KIF11: variants seen among roughly 807,000 people sequenced by gnomAD.
The protein encoded by KIF11 is kinesin family member 11.
KIF11 carries 9 observed loss-of-function variants against 121.0 expected under a neutral mutation model. That is an observed-to-expected ratio of 0.07 (90% CI 0.04 to 0.13). KIF11 has a LOEUF of 0.13. Ranked by LOEUF, KIF11 falls within the 10% of genes least tolerant of loss-of-function variation. The pLI is 1.00. For synonymous variants in KIF11, 408 were observed against 421.0 expected (o/e 0.97, Z 0.38); for missense variants, 846 against 1,217.5 (o/e 0.69, Z 4.54).
chr10:92,619,014 A>G (rs1589596600), intron 9 of KIF11, among the ~76,000 whole-genome samples: 1 of 151,630 alleles, frequency 6.6e-6, no homozygotes, highest in South Asian at 2.1e-4. Flanking sequence ...TGCCTTATTT[A>G]TTTATTTATT....
intron 6 of KIF11, among the ~76,000 whole-genome samples, chr10:92,609,794 T>A (rs1844474701): frequency 6.6e-6 from 1 of 152,174 alleles, no homozygotes; most frequent in Admixed American, 6.5e-5. Flanking sequence ...TGGAGTGCAG[T>A]GGCGCGATCT....
chr10:92,633,531 G>A lies in KIF11; in HGVS notation c.1703-92G>A, dbSNP rs980843426. ...TCGTTATTACAAATTCTACAACAAG[G>A]GTATACTTTTGTCAACTTCTTTGAA... On this transcript the variant is annotated intron_variant, in intron 13 of 21. Coordinates refer to ENST00000260731, the MANE Select transcript of KIF11 (RefSeq NM_004523.4). The A allele has an allele frequency of 9.4e-5, 79 of 841,632 alleles. 1 individual carries two copies. The highest frequency in any genetic ancestry group is 6.7e-4 in the South Asian group (43 of 64,008). The allele number at this position is 841,632 out of a possible 1,614,324, so 52.1% of individuals were successfully genotyped here. A position where few individuals can be genotyped will look rare whatever the true frequency, so the allele number is the denominator to read the frequency against.
intron 21 of KIF11, among the ~76,000 whole-genome samples, chr10:92,652,729 GT>G (rs1845001444): frequency 6.6e-6 from 1 of 152,200 alleles, no homozygotes; most frequent in African/African-American, 2.4e-5. Flanking sequence ...GTCAGAAATC[GT>G]TTTATTATTA....
chr10:92,593,579 T>C (rs1844257296), intron 1 of KIF11, 127 bp downstream of exon 1: 3 of 761,970 alleles, frequency 3.9e-6, no homozygotes, highest in Non-Finnish European at 6.3e-6. Flanking sequence ...CTCCGCGTTC[T>C]GTTCAATAAA....
chr10:92,609,247 G>A lies in KIF11; in HGVS notation c.573+42G>A, dbSNP rs767086788. ...GAATGAAATGTCTCTGAATTTTAAT[G>A]TGTGAGGCTTTGAGAAGTCAGAGAG... On this transcript the variant is annotated intron_variant, in intron 5 of 21. Transcript: ENST00000260731. The A allele has an allele frequency of 8.1e-6, 12 of 1,489,090 alleles. 1 individual carries two copies. In the South Asian group the frequency reaches 1.5e-4, roughly 19 times the overall value. 92.2% of individuals were successfully genotyped at this position (1,489,090 alleles called of 1,614,324 possible). A position where few individuals can be genotyped will look rare whatever the true frequency, so the allele number is the denominator to read the frequency against.
intron 1 of KIF11, among the ~76,000 whole-genome samples, chr10:92,604,717 T>C (rs549905130): frequency 1.3e-5 from 2 of 152,108 alleles, no homozygotes; most frequent in Non-Finnish European, 1.5e-5. Context: ...TAATTTCCTG[T>C]TTGGCACTTT....
chr10:92,615,262 T>G (rs1844541476), intron 8 of KIF11, among the ~76,000 whole-genome samples: 1 of 151,950 alleles, frequency 6.6e-6, no homozygotes, highest in African/African-American at 2.4e-5. Flanking sequence ...AAAAATTAGC[T>G]GGGCATGGTG....
intron 10 of KIF11, among the ~76,000 whole-genome samples, chr10:92,621,818 C>T (rs527400107): frequency 2.0e-5 from 3 of 152,048 alleles, no homozygotes; most frequent in Admixed American, 1.3e-4. Flanking sequence ...GCCTAGGCTT[C>T]TATTTTGTTT....
chr10:92,598,908 G>T, intron 1 of KIF11, among the ~76,000 whole-genome samples: 1 of 152,102 alleles, frequency 6.6e-6, no homozygotes, highest in East Asian at 1.9e-4. Context: ...CTCCTGAGTA[G>T]CTGGGATTAC....
intron 9 of KIF11, among the ~76,000 whole-genome samples, chr10:92,620,371 C>T (rs1012499670): frequency 2.0e-5 from 3 of 152,128 alleles, no homozygotes; most frequent in Non-Finnish European, 2.9e-5. Flanking sequence ...TGAGCCACCG[C>T]GTCCGGCCAG....
chr10:92,617,803 G>A (rs1398278736), intron 9 of KIF11, among the ~76,000 whole-genome samples: 1 of 151,314 alleles, frequency 6.6e-6, no homozygotes, highest in Admixed American at 6.6e-5. Context: ...GCAGTGGCAC[G>A]ATCTTGACTC....
At chr10:92,605,247 A>G (rs1483091877) in intron 1 of KIF11, among the ~76,000 whole-genome samples, 1 of 152,108 alleles carries the variant, frequency 6.6e-6, no homozygotes, top group African/African-American at 2.4e-5. Flanking sequence ...CTATTCACTC[A>G]TTTAAAAATG....
rs956250859 is a variant in KIF11 at position 92,630,419 on chromosome 10, A to G, written c.1494+55A>G. On this transcript the variant is annotated intron_variant, in intron 12 of 21. Transcript: ENST00000260731. ...ATTAAGTAGAGAATGGGTAGAAAAA[A>G]TTTTCTGTGCTTAAGCATTAAATAT... The G allele has an allele frequency of 3.6e-6, 4 of 1,100,288 alleles. No individual in the cohort carries two copies. In the African/African-American group the frequency reaches 6.5e-5, roughly 18 times the overall value. The allele number at this position is 1,100,288 out of a possible 1,614,324, so 68.2% of individuals were successfully genotyped here.
chr10:92,621,827 T>C (rs1844620427), intron 10 of KIF11, among the ~76,000 whole-genome samples: 1 of 151,726 alleles, frequency 6.6e-6, no homozygotes, highest in South Asian at 2.1e-4. Context: ...TCTATTTTGT[T>C]TTGACATTAA....
At chr10:92,606,006 C>T (rs759515759) in intron 1 of KIF11, among the ~76,000 whole-genome samples, 4 of 152,134 alleles carry the variant, frequency 2.6e-5, no homozygotes, top group East Asian at 1.9e-4. Flanking sequence ...CAAATCTATT[C>T]GTATCTGCTC....
At chr10:92,612,898 A>G (rs1844512793) in intron 6 of KIF11, 142 bp from the exon 7 acceptor site, 2 of 560,010 alleles carry the variant, frequency 3.6e-6, no homozygotes, top group Non-Finnish European at 6.3e-6. Flanking sequence ...CCTATCTTCC[A>G]AAATATTCTT....
At chr10:92,611,746 A>C (rs1232532731) in intron 6 of KIF11, among the ~76,000 whole-genome samples, 10 of 152,086 alleles carry the variant, frequency 6.6e-5, no homozygotes. Flanking sequence ...TAAAAATACA[A>C]AAATTAGCTT....
chr10:92,613,718 TCA>T lies in KIF11; in HGVS notation c.1032+103_1032+104del. 2.5e-6 allele frequency: 3 copies of T among 1,180,756 alleles called. No individual in the cohort carries two copies. The highest frequency in any genetic ancestry group is 1.5e-5 in the African/African-American group (1 of 64,682). 73.1% of individuals were successfully genotyped at this position (1,180,756 alleles called of 1,614,324 possible). On this transcript the variant is annotated intron_variant, in intron 8 of 21. Coordinates refer to ENST00000260731, the MANE Select transcript of KIF11 (RefSeq NM_004523.4). The surrounding 1 kb of genome is among the most constrained non-coding windows in gnomAD (Gnocchi z 4.2). ...CATTTACTAGGATGGACACAGTGACTCACACCTGTAAACCCAGCACTTTGGAA... is the reference window on the plus strand; with the variant it reads ...CATTTACTAGGATGGACACAGTGACTCACCTGTAAACCCAGCACTTTGGAA...
chr10:92,630,560 G>A (rs1844726069), intron 12 of KIF11, among the ~76,000 whole-genome samples, 196 bp downstream of exon 12: 2 of 152,120 alleles, frequency 1.3e-5, no homozygotes, highest in Admixed American at 1.3e-4. Context: ...TCCTGCTCCT[G>A]GAGTTTTGAA....
Sources: gnomAD v4.1 joint callset for allele counts (sites outside exome capture counted in the v4.1 genomes callset) on GRCh38, gnomAD v4.1.1 for gene constraint, Gnocchi (gnomAD v3.1) non-coding constraint, MANE v1.5 for transcripts, NCBI Gene and HGNC (gene_info 2026-07-23, HGNC 2026-07-21) for gene names.